Variants in DUSP22 observed in about 807,000 individuals in gnomAD.
DUSP22 encodes dual specificity protein phosphatase 22.
In DUSP22, 24 loss-of-function variants were observed where a neutral mutation model predicts 24.5. That is an observed-to-expected ratio of 0.98 (90% CI 0.71 to 1.38). DUSP22 has a LOEUF of 1.38. DUSP22 is among the 40% of genes most tolerant of loss of function. The pLI is 0.00. For synonymous variants in DUSP22, 160 were observed against 106.4 expected, an observed-to-expected ratio of 1.50 and a Z score of -3.10; for missense variants, 330 against 269.2, an observed-to-expected ratio of 1.23 and a Z score of -1.58.
chr6:349,670 A>G lies in DUSP22; in HGVS notation c.*719A>G. On this transcript the variant is annotated 3_prime_UTR_variant, in exon 7 of 7. Transcript: ENST00000419235. ...AGCTGGTCCAGTGGGCCAGCACTTT[A>G]TACCAACTCAGCATTTAAGGGAAGT... 1.0e-6 allele frequency: 1 copy of G among 986,190 alleles called. No homozygotes were observed. The highest frequency in any genetic ancestry group is 1.2e-6 in the Non-Finnish European group (1 of 830,444). 61.1% of individuals were successfully genotyped at this position (986,190 alleles called of 1,614,324 possible). A position where few individuals can be genotyped will look rare whatever the true frequency, so the allele number is the denominator to read the frequency against.
At chr6:309,325 G>GT (rs1561653652) in intron 2 of DUSP22, among the ~76,000 whole-genome samples, 2 of 152,414 alleles carry the variant, frequency 1.3e-5, no homozygotes, top group South Asian at 2.1e-4. Context: ...GTATAAAAAG[G>GT]TTTTTTCTTT....
intron 3 of DUSP22, among the ~76,000 whole-genome samples, chr6:332,627 A>T (rs1242771975): frequency 6.7e-6 from 1 of 150,324 alleles, no homozygotes; most frequent in Non-Finnish European, 1.5e-5. Context: ...CCCTCTGTCC[A>T]TTCTCTTCCT....
At chr6:341,790 C>T (rs1192375529) in intron 4 of DUSP22, among the ~76,000 whole-genome samples, 6 of 152,418 alleles carry the variant, frequency 3.9e-5, no homozygotes, top group Non-Finnish European at 5.9e-5. Context: ...AAAGAGCTAC[C>T]GGGGGGTGGT....
chr6:317,223 G>A (rs559261882), intron 3 of DUSP22, among the ~76,000 whole-genome samples: 8 of 152,416 alleles, frequency 5.2e-5, no homozygotes, highest in East Asian at 1.9e-4. Context: ...CTGCTTGGAC[G>A]GCCCCATCCT....
At chr6:324,004 CAT>C (rs1363550872) in intron 3 of DUSP22, among the ~76,000 whole-genome samples, 1 of 152,304 alleles carries the variant, frequency 6.6e-6, no homozygotes, top group Non-Finnish European at 1.5e-5. Context: ...GAAAAGATCT[CAT>C]AACTAGCAAA....
chr6:296,889 G>A (rs1757357959), intron 1 of DUSP22, among the ~76,000 whole-genome samples: 1 of 152,304 alleles, frequency 6.6e-6, no homozygotes, highest in South Asian at 2.1e-4. Context: ...CAAGCATCCG[G>A]CCTGCCTGGT....
intron 1 of DUSP22, among the ~76,000 whole-genome samples, chr6:296,306 C>A (rs1757326066): frequency 6.6e-6 from 1 of 152,296 alleles, no homozygotes; most frequent in South Asian, 2.1e-4. Context: ...ATAGAGTAAG[C>A]CACAACTCCA....
chr6:299,886 C>T (rs1018773959), intron 1 of DUSP22, among the ~76,000 whole-genome samples: 18 of 152,296 alleles, frequency 1.2e-4, no homozygotes, highest in Non-Finnish European at 2.4e-4. Flanking sequence ...CAGCTCGTAT[C>T]AGGCTTCACT....
chr6:346,615 A>T (rs1356878539), intron 5 of DUSP22, among the ~76,000 whole-genome samples: 4 of 152,306 alleles, frequency 2.6e-5, no homozygotes, highest in Non-Finnish European at 4.4e-5. Flanking sequence ...TTGTTCAGGG[A>T]ACCAGTAGCC....
chr6:306,065 T>C (rs911197461), intron 2 of DUSP22, among the ~76,000 whole-genome samples: 2 of 152,302 alleles, frequency 1.3e-5, no homozygotes. Flanking sequence ...AAAATAGTAC[T>C]GGACTTGCTA....
At chr6:300,820 G>C (rs12196612) in intron 1 of DUSP22, among the ~76,000 whole-genome samples, 13,684 of 148,630 alleles carry the variant, frequency 0.092, 58 homozygotes, top group Non-Finnish European at 0.14. Flanking sequence ...GCATCCAAAT[G>C]TGGTTACCTT....
intron 1 of DUSP22, among the ~76,000 whole-genome samples, chr6:293,056 A>C (rs895909190): frequency 1.3e-5 from 2 of 152,300 alleles, no homozygotes; most frequent in South Asian, 2.1e-4. Flanking sequence ...AGAAGTTAAC[A>C]GAGTCCTAAG....
chr6:306,939 C>G (rs1490920713), intron 2 of DUSP22, among the ~76,000 whole-genome samples: 1 of 152,294 alleles, frequency 6.6e-6, no homozygotes, highest in Non-Finnish European at 1.5e-5. Flanking sequence ...TGGGTGATGC[C>G]CTCGGTGGGC....
intron 1 of DUSP22, among the ~76,000 whole-genome samples, chr6:301,865 G>A (rs1254260688): frequency 3.9e-5 from 6 of 152,300 alleles, no homozygotes; most frequent in African/African-American, 1.2e-4. Context: ...AGAACATCAT[G>A]GTTCTACAAC....
At chr6:314,199 AAGTG>A (rs1389716677) in intron 3 of DUSP22, among the ~76,000 whole-genome samples, 2 of 152,302 alleles carry the variant, frequency 1.3e-5, no homozygotes, top group African/African-American at 4.8e-5. Flanking sequence ...GAGAGCCCCT[AAGTG>A]AGGGTGATAA....
intron 2 of DUSP22, among the ~76,000 whole-genome samples, chr6:311,649 C>T (rs1159366111): frequency 6.6e-6 from 1 of 151,922 alleles, no homozygotes; most frequent in Non-Finnish European, 1.5e-5. Context: ...CACTGCACTC[C>T]AGCCTGGGCG....
intron 1 of DUSP22, among the ~76,000 whole-genome samples, chr6:296,820 T>G (rs985618447): frequency 1.3e-5 from 2 of 152,298 alleles, no homozygotes; most frequent in Non-Finnish European, 2.9e-5. Flanking sequence ...GGGCAGGATA[T>G]GAGGACCCTC....
At chr6:322,830 T>TGGC (rs1554100347) in intron 3 of DUSP22, among the ~76,000 whole-genome samples, 32 of 18,758 alleles carry the variant, frequency 1.7e-3, no homozygotes, top group African/African-American at 5.9e-3. Flanking sequence ...GGCTGCTTGG[T>TGGC]GGGGCGGGGG....
intron 2 of DUSP22, among the ~76,000 whole-genome samples, 180 bp downstream of exon 2, chr6:304,841 A>G (rs1244571893): frequency 6.6e-6 from 1 of 152,298 alleles, no homozygotes; most frequent in African/African-American, 2.4e-5. Context: ...CCCTTAAAAC[A>G]CCAACTCCCC....
Sources: allele counts gnomAD v4.1 joint callset (sites outside exome capture counted in the v4.1 genomes callset), GRCh38; gene constraint gnomAD v4.1.1; transcripts MANE v1.5; gene names NCBI Gene and HGNC (gene_info 2026-07-23, HGNC 2026-07-21).